The following TRAPPC9 variants were observed in gnomAD, a reference collection of about 807,000 sequenced individuals.
The protein encoded by TRAPPC9 is IKK2 binding protein.
In TRAPPC9, 83 loss-of-function variants were observed where a neutral mutation model predicts 124.0. The observed-to-expected ratio is 0.67, with a 90% CI of 0.56 to 0.80. The LOEUF is 0.80. TRAPPC9 is among the 30% of genes least tolerant of loss of function. The pLI, the probability that TRAPPC9 is intolerant of heterozygous loss-of-function variation, is 0.00. For synonymous variants in TRAPPC9, 638 were observed against 617.5 expected (o/e 1.03, Z -0.49); for missense variants, 1,302 against 1,508.3 (o/e 0.86, Z 2.27).
Position 139,907,964 on chromosome 8 carries a change from A to G in TRAPPC9, c.2964+2183T>C, listed in dbSNP as rs536873939. Among the ~76,000 whole-genome samples the G allele has an allele frequency of 5.9e-5, 9 of 152,262 alleles. 1 individual carries two copies. In the South Asian group the frequency reaches 1.9e-3, roughly 32 times the overall value. On this transcript the variant is annotated intron_variant, in intron 20 of 22. Transcript: ENST00000438773. The surrounding 1 kb of genome is among the most constrained non-coding windows in gnomAD (Gnocchi z 4.7). ...CACAGTTTTCATCTGCAAGACGGGA[A>G]GACAGGATAATGAAACCGCCCCAGG...
rs1261912179 is a variant in TRAPPC9 at position 139,907,040 on chromosome 8, C to T, written c.2964+3107G>A. On this transcript the variant is annotated intron_variant, in intron 20 of 22. Coordinates refer to ENST00000438773, the MANE Select transcript of TRAPPC9 (RefSeq NM_001160372.4). The surrounding 1 kb of genome is among the most constrained non-coding windows in gnomAD (Gnocchi z 4.7). The stretch of plus-strand genomic sequence containing the variant: ...TGACCTGAGGGAAGCTCCCATCAGC[C>T]CCACAACGCTGCACTGCAAGTGCCC... 6.6e-6 allele frequency among the ~76,000 whole-genome samples: 1 copy of T among 152,240 alleles called. No individual in the cohort carries two copies. The highest frequency in any genetic ancestry group is 1.5e-5 in the Non-Finnish European group (1 of 68,050).
At chr8:139,981,027 T>A (rs1254541430) in intron 19 of TRAPPC9, among the ~76,000 whole-genome samples, 2 of 152,236 alleles carry the variant, frequency 1.3e-5, no homozygotes. Context: ...ATTTCTCTTG[T>A]CACCTGAGTC....
At position 139,731,224 on chromosome 8, in the gene TRAPPC9, T is replaced by C; in HGVS notation, c.3284A>G (p.Gln1095Arg). The change falls in exon 23 of 23, where the codon CAG becomes CGG. Residue 1095 changes from glutamine (Q) to arginine (R), a missense_variant. Physicochemically the swap from Gln to Arg is conservative, Grantham distance 43. Coordinates refer to ENST00000438773, the MANE Select transcript of TRAPPC9 (RefSeq NM_001160372.4). ...GSSTFYLDAV[Q>R]PSGQSACLGA... ...GAGGCAGGCCGACTGGCCGGACGGC[T>C]GCACCTGAGCAGGGAGGAGAAAGAC... is the stretch of plus-strand genomic sequence containing the variant. The C allele has an allele frequency of 6.2e-7, 1 of 1,613,354 alleles. No individual in the cohort carries two copies. Among genetic ancestry groups the C allele is most frequent in the South Asian group, 1.1e-5 (1 of 91,056 alleles).
chr8:140,108,314 C>A (rs745583366), intron 17 of TRAPPC9, among the ~76,000 whole-genome samples: 5 of 152,350 alleles, frequency 3.3e-5, no homozygotes, highest in Middle Eastern at 3.4e-3. Flanking sequence ...CCCTTCATCA[C>A]GTATCTTAGA....
chr8:140,189,580 G>A (rs1182849157), intron 17 of TRAPPC9, among the ~76,000 whole-genome samples: 4 of 152,128 alleles, frequency 2.6e-5, no homozygotes, highest in East Asian at 1.9e-4. Context: ...AAAGAGATGC[G>A]TGGAGAAAAA....
chr8:140,289,614 C>G (rs1034204823), intron 12 of TRAPPC9, among the ~76,000 whole-genome samples: 2 of 152,016 alleles, frequency 1.3e-5, no homozygotes, highest in Non-Finnish European at 2.9e-5. Flanking sequence ...GTTCCCTGCT[C>G]TTCCTCATTT....
At chr8:140,142,868 C>T (rs951284282) in intron 17 of TRAPPC9, among the ~76,000 whole-genome samples, 6 of 133,836 alleles carry the variant, frequency 4.5e-5, no homozygotes, top group African/African-American at 1.7e-4. Flanking sequence ...AGGAATAAAT[C>T]ACAGAGTAAA....
At chr8:139,960,541 C>G (rs939563139) in intron 19 of TRAPPC9, among the ~76,000 whole-genome samples, 1 of 152,224 alleles carries the variant, frequency 6.6e-6, no homozygotes, top group African/African-American at 2.4e-5. Context: ...CACTACTACC[C>G]GTATCTGTGC....
intron 21 of TRAPPC9, among the ~76,000 whole-genome samples, chr8:139,860,664 AG>A (rs1393575748): frequency 6.6e-6 from 1 of 152,164 alleles, no homozygotes; most frequent in African/African-American, 2.4e-5. Context: ...CCTGCACCCC[AG>A]TTCCTGGCCC....
intron 7 of TRAPPC9, among the ~76,000 whole-genome samples, chr8:140,372,112 G>A (rs1006667703): frequency 6.6e-6 from 1 of 152,082 alleles, no homozygotes; most frequent in African/African-American, 2.4e-5. Flanking sequence ...AACAGCTCAG[G>A]GACACATTAA....
At chr8:140,264,051 A>G (rs2064527874) in intron 15 of TRAPPC9, among the ~76,000 whole-genome samples, 1 of 152,240 alleles carries the variant, frequency 6.6e-6, no homozygotes, top group Non-Finnish European at 1.5e-5. Context: ...ACTGATTTCT[A>G]AAATTTTGCC....
chr8:140,452,496 C>T (rs1391739915), intron 1 of TRAPPC9, among the ~76,000 whole-genome samples: 2 of 150,992 alleles, frequency 1.3e-5, no homozygotes, highest in South Asian at 2.1e-4. Flanking sequence ...GAGGAGGTTG[C>T]GAATGTAAAG....
rs186725876 is a variant in TRAPPC9, at chr8:140,200,462, T to G, written c.2556+20997A>C. Among the ~76,000 whole-genome samples the G allele has an allele frequency of 1.3e-4, 20 of 152,162 alleles. 1 individual carries two copies. Among genetic ancestry groups the G allele is most frequent in the African/African-American group, 4.8e-4 (20 of 41,500 alleles). ...TAGAAAGGGGACCAAAAAGAGTCACTTTCCAATGGAGAAACCTGGCAAACA... is the reference window on the plus strand; with the variant it reads ...TAGAAAGGGGACCAAAAAGAGTCACGTTCCAATGGAGAAACCTGGCAAACA... On this transcript the variant is annotated intron_variant, in intron 17 of 22. Transcript: ENST00000438773.
rs1225439362 is a variant in TRAPPC9 at position 140,241,777 on chromosome 8, A to G, written c.2431+11000T>C. ...AGCAACACCAGATCCTCACAGCCAG[A>G]CAGCTCTCCCGTCTCTGAACTCAGG... On this transcript the variant is annotated intron_variant, in intron 16 of 22. Coordinates refer to ENST00000438773, the MANE Select transcript of TRAPPC9 (RefSeq NM_001160372.4). The surrounding 1 kb of genome is among the most constrained non-coding windows in gnomAD (Gnocchi z 5.0). Among the ~76,000 whole-genome samples, 3 of 152,218 alleles carry G rather than the reference A, an allele frequency of 2.0e-5. No homozygotes were observed. Among genetic ancestry groups the G allele is most frequent in the Non-Finnish European group, 4.4e-5 (3 of 68,042 alleles).
chr8:140,077,769 A>T lies in TRAPPC9; in HGVS notation c.2557-53690T>A, dbSNP rs1400784005. Among the ~76,000 whole-genome samples the T allele has an allele frequency of 2.0e-5, 3 of 152,154 alleles. No homozygotes were observed. The East Asian group carries it at 5.8e-4, about 29-fold the overall frequency. On this transcript the variant is annotated intron_variant, in intron 17 of 22. Coordinates refer to ENST00000438773, the MANE Select transcript of TRAPPC9 (RefSeq NM_001160372.4). ...ACCAGAAATGTTGAGATGGGGAGAA[A>T]GCAATGCAGGCGGAAGAATGATTGT...
chr8:140,093,743 G>A (rs1172225933), intron 17 of TRAPPC9, among the ~76,000 whole-genome samples: 1 of 151,696 alleles, frequency 6.6e-6, no homozygotes, highest in Non-Finnish European at 1.5e-5. Flanking sequence ...GGCCAAACCT[G>A]ACCCCTCATT....
At chr8:140,303,468 G>A (rs985048091) in intron 10 of TRAPPC9, among the ~76,000 whole-genome samples, 17 of 152,150 alleles carry the variant, frequency 1.1e-4, no homozygotes, top group African/African-American at 3.9e-4. Flanking sequence ...TATCATTTTT[G>A]CAGAGAATTC....
chr8:139,751,895 C>CATCA (rs1198790150), intron 21 of TRAPPC9, among the ~76,000 whole-genome samples: 8 of 150,750 alleles, frequency 5.3e-5, no homozygotes, highest in Admixed American at 3.3e-4. Flanking sequence ...TCCATCCATC[C>CATCA]ATCAATCCAC....
chr8:140,335,847 C>T (rs1203079863), intron 9 of TRAPPC9, among the ~76,000 whole-genome samples: 4 of 151,700 alleles, frequency 2.6e-5, no homozygotes, highest in African/African-American at 9.7e-5. Context: ...GCTGGGATTA[C>T]AGGCTCCCGC....
Sources: allele counts gnomAD v4.1 joint callset (sites outside exome capture counted in the v4.1 genomes callset), GRCh38; gene constraint gnomAD v4.1.1; non-coding constraint Gnocchi (gnomAD v3.1); transcripts MANE v1.5; gene names NCBI Gene and HGNC (gene_info 2026-07-23, HGNC 2026-07-21).